Variants in PXDC1 observed in about 807,000 individuals in gnomAD.
PXDC1 encodes the protein PX domain containing 1.
Under a neutral mutation model 24.4 loss-of-function variants are expected in PXDC1, and 13 were observed. That is an observed-to-expected ratio of 0.53 (90% CI 0.35 to 0.85). PXDC1 has a LOEUF of 0.85. Among genes scored for constraint, PXDC1 ranks in the 40% least tolerant of loss-of-function variants. PXDC1 has a pLI of 0.01. For missense variants in PXDC1, 344 were observed against 309.3 expected, an observed-to-expected ratio of 1.11 and a Z score of -0.84; for synonymous variants, 162 against 124.9, an observed-to-expected ratio of 1.30 and a Z score of -1.98.
Position 3,724,278 on chromosome 6 carries a change from G to A in PXDC1, c.579-542C>T, listed in dbSNP as rs747813268. On this transcript the variant is annotated intron_variant, in intron 4 of 4. Coordinates refer to ENST00000380283, the MANE Select transcript of PXDC1 (RefSeq NM_183373.4). This position sits in a 1 kb window ranked among gnomAD's most constrained non-coding sequence, Gnocchi z 4.5. ...AGCGGGGAAGCCTGCATGTGGGTACGTGTTTCATTCGCGCTCTGGCAGATG... is the reference window on the plus strand; with the variant it reads ...AGCGGGGAAGCCTGCATGTGGGTACATGTTTCATTCGCGCTCTGGCAGATG... Among the ~76,000 whole-genome samples, 46 of 152,120 alleles carry A rather than the reference G, an allele frequency of 3.0e-4. No homozygotes were observed. The highest frequency in any genetic ancestry group is 5.4e-4 in the Non-Finnish European group (37 of 68,020).
intron 3 of PXDC1, among the ~76,000 whole-genome samples, chr6:3,732,079 T>G (rs186949837): frequency 6.6e-6 from 1 of 152,380 alleles, no homozygotes; most frequent in East Asian, 1.9e-4. Context: ...TCTTTGCATC[T>G]ATCAATCAAT....
chr6:3,737,783 C>A lies in PXDC1; in HGVS notation c.348+274G>T. On this transcript the variant is annotated intron_variant, in intron 2 of 4. Transcript: ENST00000380283. The surrounding 1 kb of genome is among the most constrained non-coding windows in gnomAD (Gnocchi z 5.5). ...CCTGCAGCCAGAGGGGATCCGCACC[C>A]TTCCACCCATGCCTCCTTGCATCCC... 1.6e-6 allele frequency: 1 copy of A among 626,944 alleles called. No homozygotes were observed. 38.8% of individuals were successfully genotyped at this position (626,944 alleles called of 1,614,324 possible). A position where few individuals can be genotyped will look rare whatever the true frequency, so the allele number is the denominator to read the frequency against.
In PXDC1 at chr6:3,738,099, C is replaced by T. The variant is rs200430320; in HGVS notation, c.306G>A (p.Glu102=). 1.9e-6 allele frequency: 3 copies of T among 1,614,120 alleles called. No homozygotes were observed. The African/African-American group carries it at 4.0e-5, about 22-fold the overall frequency. Residue 102 remains glutamate, a synonymous_variant, in exon 2 of 5, where the codon GAG becomes GAA. Coordinates refer to ENST00000380283, the MANE Select transcript of PXDC1 (RefSeq NM_183373.4). ...EAHDIETRLN[E]VEKLLKTIIS... is the part of the protein sequence containing the mutation. ...TGATCGTCTTCAGCAGCTTCTCCACCTCATTAAGCCTGGTCTCTATGTCGT... is the reference window on the plus strand; with the variant it reads ...TGATCGTCTTCAGCAGCTTCTCCACTTCATTAAGCCTGGTCTCTATGTCGT...
At position 3,724,016 on chromosome 6, in the gene PXDC1, G is replaced by T. The variant is rs532787689; in HGVS notation, c.579-280C>A. ...TGCTGATTTTCACCTCTTGTTCTGT[G>T]CCCAGCACCGCGTCAGGCTGTGGGA... On this transcript the variant is annotated intron_variant, in intron 4 of 4. Coordinates refer to ENST00000380283, the MANE Select transcript of PXDC1 (RefSeq NM_183373.4). The surrounding 1 kb of genome is among the most constrained non-coding windows in gnomAD (Gnocchi z 4.5). Among the ~76,000 whole-genome samples the T allele has an allele frequency of 6.6e-6, 1 of 152,270 alleles. No individual in the cohort carries two copies. The highest frequency in any genetic ancestry group is 1.9e-4 in the East Asian group (1 of 5,176).
chr6:3,726,011 C>T (rs1760057243), intron 4 of PXDC1, among the ~76,000 whole-genome samples: 1 of 152,196 alleles, frequency 6.6e-6, no homozygotes, highest in Non-Finnish European at 1.5e-5. Flanking sequence ...AGAGCCACAC[C>T]TCTGGCCCGG....
chr6:3,733,679 A>C (rs993368842), intron 3 of PXDC1, among the ~76,000 whole-genome samples: 1 of 152,112 alleles, frequency 6.6e-6, no homozygotes, highest in Non-Finnish European at 1.5e-5. Flanking sequence ...CTGCAGCAAC[A>C]CCTCCGGGCC....
At chr6:3,732,964 G>A (rs1054663705) in intron 3 of PXDC1, among the ~76,000 whole-genome samples, 16 of 152,248 alleles carry the variant, frequency 1.1e-4, no homozygotes, top group Admixed American at 3.3e-4. Context: ...AGGTTTGCAC[G>A]AAGGACCCTG....
Position 3,737,245 on chromosome 6 carries a change from G to T in PXDC1, c.349-49C>A. 7.5e-7 allele frequency: 1 copy of T among 1,335,430 alleles called. No homozygotes were observed. The highest frequency in any genetic ancestry group is 1.1e-6 in the Non-Finnish European group (1 of 928,306). 82.7% of individuals were successfully genotyped at this position (1,335,430 alleles called of 1,614,324 possible). A position where few individuals can be genotyped will look rare whatever the true frequency, so the allele number is the denominator to read the frequency against. On this transcript the variant is annotated intron_variant, in intron 2 of 4. Coordinates refer to ENST00000380283, the MANE Select transcript of PXDC1 (RefSeq NM_183373.4). The surrounding 1 kb of genome is among the most constrained non-coding windows in gnomAD (Gnocchi z 5.5). The stretch of plus-strand genomic sequence containing the variant: ...TAAAAACGATCAGCCTCTACACGTT[G>T]GCCCTGTCTGTCTACCAAGAGAGGG...
At chr6:3,744,197 C>G (rs140265703) in intron 1 of PXDC1, among the ~76,000 whole-genome samples, 14 of 152,340 alleles carry the variant, frequency 9.2e-5, no homozygotes, top group African/African-American at 2.2e-4. Flanking sequence ...ATCCACTTAG[C>G]CAGTCCGTCC....
rs1760052000 is a variant in PXDC1, at chr6:3,725,823, T to A, written c.578+1728A>T. 6.6e-6 allele frequency among the ~76,000 whole-genome samples: 1 copy of A among 152,114 alleles called. No individual in the cohort carries two copies. Among genetic ancestry groups the A allele is most frequent in the Admixed American group, 6.5e-5 (1 of 15,284 alleles). Reference sequence around the variant, plus strand: ...CAGAGAAAGGCCCGGCAAGCCCAAGTCGGAACTCCCTCCAGATGCTCCCGA... The same window carrying A: ...CAGAGAAAGGCCCGGCAAGCCCAAGACGGAACTCCCTCCAGATGCTCCCGA... On this transcript the variant is annotated intron_variant, in intron 4 of 4. Coordinates refer to ENST00000380283, the MANE Select transcript of PXDC1 (RefSeq NM_183373.4). This position sits in a 1 kb window ranked among gnomAD's most constrained non-coding sequence, Gnocchi z 4.8.
At chr6:3,738,019 C>T (rs1465667220) in intron 2 of PXDC1, 38 bp downstream of exon 2, 1 of 1,552,542 alleles carries the variant, frequency 6.4e-7, no homozygotes. Context: ...CCAGCACCTC[C>T]CACCTCCCTG....
At chr6:3,751,114 G>T in intron 1 of PXDC1, 162 bp downstream of exon 1, 1 of 568,340 alleles carries the variant, frequency 1.8e-6, no homozygotes, top group South Asian at 2.9e-5. Flanking sequence ...TAACCCCGCC[G>T]CCCGGGCACC....
chr6:3,730,042 A>C (rs906961790), intron 3 of PXDC1, among the ~76,000 whole-genome samples: 1 of 152,240 alleles, frequency 6.6e-6, no homozygotes, highest in Admixed American at 6.5e-5. Context: ...AGCCTCATGC[A>C]CATACATGTG....
intron 3 of PXDC1, among the ~76,000 whole-genome samples, chr6:3,735,338 G>A (rs1760290004): frequency 6.6e-6 from 1 of 152,160 alleles, no homozygotes; most frequent in Admixed American, 6.5e-5. Flanking sequence ...AAGGTGCCAA[G>A]AACACACAAC....
intron 1 of PXDC1, among the ~76,000 whole-genome samples, chr6:3,740,229 G>A (rs561863083): frequency 5.9e-5 from 9 of 152,108 alleles, no homozygotes; most frequent in Non-Finnish European, 1.2e-4. Flanking sequence ...ACATATCTTT[G>A]GCTACATCTT....
At chr6:3,748,561 AGTGT>A (rs1243482293) in intron 1 of PXDC1, among the ~76,000 whole-genome samples, 1 of 152,140 alleles carries the variant, frequency 6.6e-6, no homozygotes, top group Non-Finnish European at 1.5e-5. Flanking sequence ...ACCACTCCAC[AGTGT>A]GTGTGTGCAG....
chr6:3,737,171 G>T lies in PXDC1; in HGVS notation c.374C>A (p.Thr125Asn), dbSNP rs1760337605. 2 of 1,612,106 alleles carry T rather than the reference G, an allele frequency of 1.2e-6. No individual in the cohort carries two copies. The highest frequency in any genetic ancestry group is 1.7e-6 in the Non-Finnish European group (2 of 1,178,218). ...CKYSRSEVVL[T>N]FFERSPLDQV... Reference sequence around the variant, plus strand: ...ATCCAGAGGAGATCTTTCGAAGAAGGTGAGCACAACTTCCGATCTAGAATA... The same window carrying T: ...ATCCAGAGGAGATCTTTCGAAGAAGTTGAGCACAACTTCCGATCTAGAATA... Residue 125 changes from threonine (T) to asparagine (N), a missense_variant, in exon 3 of 5, where the codon ACC becomes AAC. Transcript: ENST00000380283. This position sits in a 1 kb window ranked among gnomAD's most constrained non-coding sequence, Gnocchi z 5.5.
chr6:3,744,989 C>T (rs1253666818), intron 1 of PXDC1, among the ~76,000 whole-genome samples: 7 of 152,234 alleles, frequency 4.6e-5, no homozygotes, highest in Admixed American at 3.9e-4. Flanking sequence ...CGTGAGCCAC[C>T]GCGGCAGCCA....
chr6:3,740,158 C>T (rs557102790), intron 1 of PXDC1, among the ~76,000 whole-genome samples: 9 of 152,338 alleles, frequency 5.9e-5, no homozygotes, highest in African/African-American at 1.4e-4. Context: ...GGACAGAAAG[C>T]GTGACCTAAC....
Sources: allele counts gnomAD v4.1 joint callset (sites outside exome capture counted in the v4.1 genomes callset), GRCh38; gene constraint gnomAD v4.1.1; non-coding constraint Gnocchi (gnomAD v3.1); transcripts MANE v1.5; gene names NCBI Gene and HGNC (gene_info 2026-07-23, HGNC 2026-07-21).